The following STK32B variants were observed in gnomAD, a reference collection of about 807,000 sequenced individuals.
STK32B encodes serine/threonine-protein kinase 32B.
STK32B carries 43 observed loss-of-function variants against 52.6 expected under a neutral mutation model. The ratio of observed to expected loss-of-function variants is 0.82; its 90% CI spans 0.64 to 1.05. The LOEUF (loss-of-function observed/expected upper bound fraction) is 1.05. Among genes scored for constraint, STK32B ranks in the 50% least tolerant of loss-of-function variants. The pLI is 0.00. For missense variants in STK32B, 621 were observed against 534.6 expected (o/e 1.16, Z -1.59); for synonymous variants, 238 against 204.3 (o/e 1.17, Z -1.41).
chr4:5,479,294 T>C (rs904554431), intron 11 of STK32B, among the ~76,000 whole-genome samples: 2 of 151,880 alleles, frequency 1.3e-5, no homozygotes, highest in South Asian at 4.2e-4. Context: ...TAATTTTGTA[T>C]TTTTAGTAGA....
At chr4:5,293,373 C>T (rs1456273698) in intron 3 of STK32B, among the ~76,000 whole-genome samples, 4 of 152,114 alleles carry the variant, frequency 2.6e-5, no homozygotes, top group Non-Finnish European at 4.4e-5. Context: ...ACACTGTCTT[C>T]CACAATGGTT....
intron 3 of STK32B, among the ~76,000 whole-genome samples, chr4:5,199,993 C>T (rs1285885925): frequency 6.6e-6 from 1 of 152,162 alleles, no homozygotes. Context: ...AGGGCTAAAC[C>T]ACTTTAGCGA....
chr4:5,484,415 G>A (rs1445251201), intron 11 of STK32B, among the ~76,000 whole-genome samples: 2 of 152,080 alleles, frequency 1.3e-5, no homozygotes, highest in African/African-American at 4.8e-5. Flanking sequence ...TGCAACCTCT[G>A]CCTTTTTTTG....
chr4:5,342,070 A>C (rs1237569417), intron 4 of STK32B, among the ~76,000 whole-genome samples: 1 of 152,030 alleles, frequency 6.6e-6, no homozygotes, highest in Non-Finnish European at 1.5e-5. Context: ...GAGGATGTGG[A>C]GATATAGGAA....
chr4:5,192,753 C>T (rs77297582), intron 3 of STK32B, among the ~76,000 whole-genome samples: 5 of 150,976 alleles, frequency 3.3e-5, no homozygotes, highest in East Asian at 3.9e-4. Context: ...GTTCTACTCT[C>T]GGCAAATTTC....
intron 6 of STK32B, among the ~76,000 whole-genome samples, chr4:5,422,469 T>A (rs574127911): frequency 3.3e-5 from 5 of 152,056 alleles, no homozygotes; most frequent in Non-Finnish European, 7.4e-5. Context: ...AAAATTTGCA[T>A]AGGGCTGAAT....
intron 1 of STK32B, 121 bp from the exon 2 acceptor site, chr4:5,139,784 T>C: frequency 9.2e-7 from 1 of 1,088,374 alleles, no homozygotes; most frequent in Non-Finnish European, 1.4e-6. Flanking sequence ...CTCTGGCAAG[T>C]ATAGTGCACC....
rs1026500385 is a variant in STK32B at position 5,159,543 on chromosome 4, A to G, written c.109-8756A>G. 1.3e-4 allele frequency among the ~76,000 whole-genome samples: 11 copies of G among 87,918 alleles called. 3 individuals carry two copies. The East Asian group carries it at 3.2e-3, about 26-fold the overall frequency. The allele number at this position is 87,918 out of a possible 152,430, so 57.7% of individuals were successfully genotyped here. A position where few individuals can be genotyped will look rare whatever the true frequency, so the allele number is the denominator to read the frequency against. ...ATATATGATATATATGTATATATGT[A>G]TATATATGAATATATATGAATGAAT... is the stretch of plus-strand genomic sequence containing the variant. On this transcript the variant is annotated intron_variant, in intron 2 of 11. Coordinates refer to ENST00000282908, the MANE Select transcript of STK32B (RefSeq NM_018401.3).
At chr4:5,134,252 T>G (rs10011769) in intron 1 of STK32B, among the ~76,000 whole-genome samples, 96,435 of 152,092 alleles carry the variant, frequency 0.63, 34,199 homozygotes, top group Non-Finnish European at 0.81. Flanking sequence ...AAACTAAATT[T>G]CTAATGAAAC....
Position 5,205,513 on chromosome 4 carries a change from T to A in STK32B, c.260+37063T>A, listed in dbSNP as rs544351493. Among the ~76,000 whole-genome samples the A allele has an allele frequency of 3.3e-5, 5 of 151,636 alleles. No homozygotes were observed. In the South Asian group the frequency reaches 1.0e-3, roughly 32 times the overall value. Reference sequence around the variant, plus strand: ...GTTCCAGTTTTCACTGACAGCGCTGTGGGTGTGTGGAGCCTGAGGGCCTCC... The same window carrying A: ...GTTCCAGTTTTCACTGACAGCGCTGAGGGTGTGTGGAGCCTGAGGGCCTCC... On this transcript the variant is annotated intron_variant, in intron 3 of 11. Transcript: ENST00000282908.
chr4:5,279,921 G>A (rs1231207165), intron 3 of STK32B, among the ~76,000 whole-genome samples: 1 of 152,194 alleles, frequency 6.6e-6, no homozygotes, highest in Non-Finnish European at 1.5e-5. Flanking sequence ...AAAGCAGCAA[G>A]GCCCTGGGCC....
chr4:5,238,871 G>T lies in STK32B; in HGVS notation c.260+70421G>T, dbSNP rs1051673667. 6.6e-5 allele frequency among the ~76,000 whole-genome samples: 10 copies of T among 152,312 alleles called. No individual in the cohort carries two copies. In the East Asian group the frequency reaches 1.2e-3, roughly 18 times the overall value. Reference sequence around the variant, plus strand: ...CCTCAAGGAGTTTAAAGCCCAGTGGGACTATGGATGAGAAAACAATTTAAA... The same window carrying T: ...CCTCAAGGAGTTTAAAGCCCAGTGGTACTATGGATGAGAAAACAATTTAAA... On this transcript the variant is annotated intron_variant, in intron 3 of 11. Coordinates refer to ENST00000282908, the MANE Select transcript of STK32B (RefSeq NM_018401.3).
At position 5,230,178 on chromosome 4, in the gene STK32B, C is replaced by CTTTTTTTTTTTTTTTTTTTTT. The variant is rs752036100; in HGVS notation, c.260+61739_260+61759dup. Among the ~76,000 whole-genome samples the CTTTTTTTTTTTTTTTTTTTTT allele has an allele frequency of 5.1e-4, 36 of 71,124 alleles. 1 individual carries two copies. The highest frequency in any genetic ancestry group is 1.9e-3 in the African/African-American group (24 of 12,902). 46.7% of individuals were successfully genotyped at this position (71,124 alleles called of 152,430 possible). A position where few individuals can be genotyped will look rare whatever the true frequency, so the allele number is the denominator to read the frequency against. ...AGAAGAACACTCAAGCATGCATTCC[C>CTTTTTTTTTTTTTTTTTTTTT]TTTTTTTTTTTTTTTTTTTTTTTTT... On this transcript the variant is annotated intron_variant, in intron 3 of 11. Coordinates refer to ENST00000282908, the MANE Select transcript of STK32B (RefSeq NM_018401.3).
At chr4:5,264,825 A>G (rs992295198) in intron 3 of STK32B, among the ~76,000 whole-genome samples, 5 of 152,154 alleles carry the variant, frequency 3.3e-5, no homozygotes, top group South Asian at 2.1e-4. Flanking sequence ...CAAGTCCTTT[A>G]TATATTCCTG....
At chr4:5,482,879 T>A (rs545986256) in intron 11 of STK32B, among the ~76,000 whole-genome samples, 2 of 152,350 alleles carry the variant, frequency 1.3e-5, no homozygotes, top group East Asian at 3.9e-4. Context: ...GTTTATATGC[T>A]GGATTACATT....
chr4:5,135,082 C>T (rs1305696419), intron 1 of STK32B, among the ~76,000 whole-genome samples: 1 of 152,226 alleles, frequency 6.6e-6, no homozygotes, highest in East Asian at 1.9e-4. Flanking sequence ...AGCACTAATA[C>T]ACTTCCAGAT....
the STK32B span, among the ~76,000 whole-genome samples, chr4:5,019,973 C>G: frequency 5.3e-5 from 8 of 152,178 alleles, no homozygotes; most frequent in Admixed American, 3.3e-4. Context: ...CCACCGGTGT[C>G]CTCGTCCATC....
chr4:5,225,559 C>G (rs1723809660), intron 3 of STK32B, among the ~76,000 whole-genome samples: 1 of 152,092 alleles, frequency 6.6e-6, no homozygotes, highest in Non-Finnish European at 1.5e-5. Context: ...TCTTTATCTT[C>G]TGGTTGGGAA....
Position 5,453,951 on chromosome 4 carries a change from A to G in STK32B, c.667-2856A>G, listed in dbSNP as rs1716261188. ...TGAACTCAGCCCCAGCTCATCTCCC[A>G]GTGGTAGCCCTGAGCTCTGGGTCTC... On this transcript the variant is annotated intron_variant, in intron 7 of 11. Transcript: ENST00000282908. This position sits in a 1 kb window ranked among gnomAD's most constrained non-coding sequence, Gnocchi z 4.0. Among the ~76,000 whole-genome samples the G allele has an allele frequency of 6.6e-6, 1 of 151,798 alleles. No homozygotes were observed. Among genetic ancestry groups the G allele is most frequent in the South Asian group, 2.1e-4 (1 of 4,810 alleles).
Sources: gnomAD v4.1 joint callset for allele counts (sites outside exome capture counted in the v4.1 genomes callset) on GRCh38, gnomAD v4.1.1 for gene constraint, Gnocchi (gnomAD v3.1) non-coding constraint, MANE v1.5 for transcripts, NCBI Gene and HGNC (gene_info 2026-07-23, HGNC 2026-07-21) for gene names.